POU2F1: variants seen among roughly 807,000 people sequenced by gnomAD.
POU2F1 encodes POU class 2 homeobox 1.
In POU2F1, 16 loss-of-function variants were observed where a neutral mutation model predicts 84.9. The ratio of observed to expected loss-of-function variants is 0.19; its 90% CI spans 0.13 to 0.29. POU2F1 has a LOEUF of 0.29. Among genes scored for constraint, POU2F1 ranks in the 10% least tolerant of loss-of-function variants. The probability of loss-of-function intolerance (pLI) is 1.00; values close to 1 mark genes in which losing one functional copy is unlikely to be tolerated. For synonymous variants in POU2F1, 368 were observed against 368.3 expected, an observed-to-expected ratio of 1.00 and a Z score of 0.01; for missense variants, 738 against 942.6, an observed-to-expected ratio of 0.78 and a Z score of 2.84.
intron 1 of POU2F1, among the ~76,000 whole-genome samples, chr1:167,274,967 T>A (rs1652620325): frequency 6.6e-6 from 1 of 152,068 alleles, no homozygotes; most frequent in Non-Finnish European, 1.5e-5. Flanking sequence ...GTCCTGAGAT[T>A]TGCAGTGAAT....
At chr1:167,229,668 A>C (rs77241785) in intron 1 of POU2F1, among the ~76,000 whole-genome samples, 2 of 152,206 alleles carry the variant, frequency 1.3e-5, no homozygotes, top group Non-Finnish European at 2.9e-5. Flanking sequence ...ACTCTGTAAT[A>C]GTTTTTCTTA....
intron 13 of POU2F1, among the ~76,000 whole-genome samples, chr1:167,408,111 A>G (rs988482146): frequency 6.6e-6 from 1 of 152,212 alleles, no homozygotes; most frequent in Non-Finnish European, 1.5e-5. Context: ...AGGAGTGACT[A>G]GTAAGCACAT....
chr1:167,374,077 C>G (rs1306568076), intron 5 of POU2F1, 31 bp from the exon 6 acceptor site: 3 of 1,611,038 alleles, frequency 1.9e-6, no homozygotes, highest in East Asian at 2.2e-5. Context: ...TCCTTCAACA[C>G]TTTCCCATAA....
chr1:167,355,010 A>C (rs902389898), intron 2 of POU2F1, among the ~76,000 whole-genome samples: 1 of 151,884 alleles, frequency 6.6e-6, no homozygotes, highest in Non-Finnish European at 1.5e-5. Context: ...TTTAATTTTA[A>C]AGTAGTTAAA....
intron 1 of POU2F1, among the ~76,000 whole-genome samples, chr1:167,271,881 G>A (rs533801173): frequency 6.6e-6 from 1 of 152,042 alleles, no homozygotes; most frequent in Non-Finnish European, 1.5e-5. Flanking sequence ...ATTTTTTTGT[G>A]GGGGAAAATA....
intron 1 of POU2F1, among the ~76,000 whole-genome samples, chr1:167,301,062 G>C (rs1260287879): frequency 6.6e-6 from 1 of 152,184 alleles, no homozygotes; most frequent in African/African-American, 2.4e-5. Context: ...GACCCACCGT[G>C]CCCAGCTGTA....
At chr1:167,303,220 T>G (rs1310685873) in intron 1 of POU2F1, among the ~76,000 whole-genome samples, 2 of 152,102 alleles carry the variant, frequency 1.3e-5, no homozygotes, top group Non-Finnish European at 2.9e-5. Flanking sequence ...CATGAAAGAA[T>G]AGCACCATAC....
chr1:167,334,962 T>A (rs529610398), intron 2 of POU2F1, among the ~76,000 whole-genome samples: 1 of 152,124 alleles, frequency 6.6e-6, no homozygotes, highest in African/African-American at 2.4e-5. Context: ...TTTACAATTG[T>A]AATAATTTTG....
intron 7 of POU2F1, 133 bp downstream of exon 7, chr1:167,376,288 A>G: frequency 8.8e-7 from 1 of 1,142,436 alleles, no homozygotes; most frequent in South Asian, 2.7e-5. Flanking sequence ...TTGATTATAA[A>G]CTTTCGTTTA....
chr1:167,328,703 T>C (rs1443841685), intron 1 of POU2F1, among the ~76,000 whole-genome samples: 1 of 152,180 alleles, frequency 6.6e-6, no homozygotes, highest in Non-Finnish European at 1.5e-5. Flanking sequence ...AGTCTCATTT[T>C]ATCCTCCTAA....
chr1:167,361,436 A>G (rs1471568812), intron 2 of POU2F1, among the ~76,000 whole-genome samples: 1 of 152,076 alleles, frequency 6.6e-6, no homozygotes, highest in Admixed American at 6.5e-5. Context: ...TGATGATCAT[A>G]TGGTTTTTGT....
At chr1:167,344,075 TTTAAA>T (rs924349199) in intron 2 of POU2F1, among the ~76,000 whole-genome samples, 4 of 152,118 alleles carry the variant, frequency 2.6e-5, no homozygotes, top group Admixed American at 2.6e-4. Context: ...GCTCTTTAAA[TTTAAA>T]TTAAATTAAA....
At chr1:167,283,659 A>G (rs562280511) in intron 1 of POU2F1, among the ~76,000 whole-genome samples, 83 of 152,334 alleles carry the variant, frequency 5.4e-4, no homozygotes, top group African/African-American at 1.9e-3. Context: ...GGAATGTTTT[A>G]GGGTCCTGTG....
At chr1:167,281,547 G>A (rs1196569862) in intron 1 of POU2F1, among the ~76,000 whole-genome samples, 2 of 152,194 alleles carry the variant, frequency 1.3e-5, no homozygotes, top group African/African-American at 2.4e-5. Context: ...GGAAAGTGAT[G>A]TATAGAAAAT....
intron 1 of POU2F1, among the ~76,000 whole-genome samples, chr1:167,225,202 G>T (rs968525419): frequency 6.6e-6 from 1 of 152,164 alleles, no homozygotes; most frequent in African/African-American, 2.4e-5. Context: ...AAATTCATGT[G>T]ACAGCTGACC....
chr1:167,412,489 A>G (rs1190861549), intron 14 of POU2F1, among the ~76,000 whole-genome samples, 185 bp downstream of exon 14: 1 of 152,156 alleles, frequency 6.6e-6, no homozygotes, highest in Non-Finnish European at 1.5e-5. Flanking sequence ...ATGTTTCTTA[A>G]CACCCTGGGA....
At chr1:167,295,018 G>A (rs916220820) in intron 1 of POU2F1, among the ~76,000 whole-genome samples, 1 of 151,760 alleles carries the variant, frequency 6.6e-6, no homozygotes, top group African/African-American at 2.4e-5. Context: ...CCTAATCCCA[G>A]CTACTCAGGA....
intron 1 of POU2F1, among the ~76,000 whole-genome samples, chr1:167,301,819 T>C (rs1272761915): frequency 6.6e-6 from 1 of 152,226 alleles, no homozygotes; most frequent in Non-Finnish European, 1.5e-5. Context: ...TTTTTTGTTC[T>C]GTGTGCTTTT....
At chr1:167,221,926 C>G (rs10082006) in intron 1 of POU2F1, among the ~76,000 whole-genome samples, 1 of 151,792 alleles carries the variant, frequency 6.6e-6, no homozygotes, top group Non-Finnish European at 1.5e-5. Flanking sequence ...GTCGGCAGCC[C>G]CTTTGCGTTG....
Sources: gnomAD v4.1 joint callset for allele counts (sites outside exome capture counted in the v4.1 genomes callset) on GRCh38, gnomAD v4.1.1 for gene constraint, MANE v1.5 for transcripts, NCBI Gene and HGNC (gene_info 2026-07-23, HGNC 2026-07-21) for gene names.